DLAT: variants seen among roughly 807,000 people sequenced by gnomAD.
The protein encoded by DLAT is dihydrolipoyllysine-residue acetyltransferase component of pyruvate dehydrogenase complex, mitochondrial.
Under a neutral mutation model 68.0 loss-of-function variants are expected in DLAT, and 43 were observed. That is an observed-to-expected ratio of 0.63 (90% CI 0.50 to 0.81). The LOEUF is 0.81. Ranked by LOEUF, DLAT falls within the 40% of genes least tolerant of loss-of-function variation. The pLI, the probability that DLAT is intolerant of heterozygous loss-of-function variation, is 0.00. For synonymous variants in DLAT, 265 were observed against 288.6 expected, an observed-to-expected ratio of 0.92 and a Z score of 0.83; for missense variants, 745 against 815.4, an observed-to-expected ratio of 0.91 and a Z score of 1.05.
intron 10 of DLAT, among the ~76,000 whole-genome samples, chr11:112,049,505 C>G (rs1426776906): frequency 6.7e-6 from 1 of 150,234 alleles, no homozygotes; most frequent in Non-Finnish European, 1.5e-5. Flanking sequence ...TGATACTACT[C>G]TAAGTGGAAT....
chr11:112,045,367 G>T, intron 9 of DLAT, 137 bp downstream of exon 9: 1 of 779,286 alleles, frequency 1.3e-6, no homozygotes, highest in East Asian at 2.6e-5. Flanking sequence ...GGAAGTTTTG[G>T]CCAACTGAAT....
At chr11:112,031,729 A>G (rs947348626) in intron 4 of DLAT, among the ~76,000 whole-genome samples, 20 of 142,684 alleles carry the variant, frequency 1.4e-4, no homozygotes, top group African/African-American at 4.9e-4. Flanking sequence ...ACGTGCCACC[A>G]TGCCCAGCTA....
chr11:112,057,789 C>G (rs782675312), intron 11 of DLAT, among the ~76,000 whole-genome samples: 11 of 152,160 alleles, frequency 7.2e-5, no homozygotes, highest in Non-Finnish European at 8.8e-5. Context: ...ATTGATATCC[C>G]TCATCAGTCG....
chr11:112,049,072 C>T (rs587654890), intron 10 of DLAT, among the ~76,000 whole-genome samples: 2 of 150,224 alleles, frequency 1.3e-5, no homozygotes, highest in East Asian at 4.0e-4. Context: ...CTCTGCCTCC[C>T]GGGTTCATGC....
At chr11:112,034,618 A>G (rs587614804) in intron 5 of DLAT, among the ~76,000 whole-genome samples, 10 of 150,384 alleles carry the variant, frequency 6.6e-5, no homozygotes, top group Middle Eastern at 3.4e-3. Flanking sequence ...AATTTTTTGT[A>G]TTTTTAGTAG....
At chr11:112,048,488 A>C (rs1407336403) in intron 10 of DLAT, among the ~76,000 whole-genome samples, 1 of 152,172 alleles carries the variant, frequency 6.6e-6, no homozygotes, top group Non-Finnish European at 1.5e-5. Flanking sequence ...CCCTGGCCAG[A>C]ACTTCCAATA....
In DLAT at chr11:112,064,344, G is replaced by A; in HGVS notation, c.*1809G>A. 2 of 789,978 alleles carry A rather than the reference G, an allele frequency of 2.5e-6. No homozygotes were observed. The highest frequency in any genetic ancestry group is 3.7e-6 in the Non-Finnish European group (2 of 533,678). 48.9% of individuals were successfully genotyped at this position (789,978 alleles called of 1,614,324 possible). A position where few individuals can be genotyped will look rare whatever the true frequency, so the allele number is the denominator to read the frequency against. Reference sequence around the variant, plus strand: ...CTGAAAGAAAAAAGTTAGAAATAGTGTTTTTGGTTCATATGATTATTTAAA... The same window carrying A: ...CTGAAAGAAAAAAGTTAGAAATAGTATTTTTGGTTCATATGATTATTTAAA... On this transcript the variant is annotated 3_prime_UTR_variant, in exon 14 of 14. Coordinates refer to ENST00000280346, the MANE Select transcript of DLAT (RefSeq NM_001931.5).
Position 112,051,247 on chromosome 11 carries a change from G to A in DLAT, c.1412G>A (p.Arg471Lys), listed in dbSNP as rs782144832. The change falls in exon 11 of 14, where the codon AGA becomes AAA. Residue 471 changes from arginine (R) to lysine (K), a missense_variant. By Grantham distance (26) the Arg-to-Lys change is conservative. Coordinates refer to ENST00000280346, the MANE Select transcript of DLAT (RefSeq NM_001931.5). This position sits in a 1 kb window ranked among gnomAD's most constrained non-coding sequence, Gnocchi z 4.3. ...RKELNKILEG[R>K]SKISVNDFII... is the part of the protein sequence containing the mutation. ...TTGTCTTTCCAGATATTAGAAGGGA[G>A]AAGCAAAATTTCTGTCAATGACTTC... 11 of 1,611,110 alleles carry A rather than the reference G, an allele frequency of 6.8e-6. No homozygotes were observed. Among genetic ancestry groups the A allele is most frequent in the African/African-American group, 1.3e-5 (1 of 74,884 alleles).
Position 112,033,528 on chromosome 11 carries a change from T to C in DLAT, c.785T>C (p.Ile262Thr), listed in dbSNP as rs782556468. Reference sequence around the variant, plus strand: ...GAGATAGAAACTGACAAAGCCACTATAGGTGAGATTTCTTCAGCTCTTAAT... The same window carrying C: ...GAGATAGAAACTGACAAAGCCACTACAGGTGAGATTTCTTCAGCTCTTAAT... ...LAEIETDKAT[I>T]GFEVQEEGYL... The change falls in exon 5 of 14, where the codon ATA (isoleucine) becomes ACA (threonine). Residue 262 changes from isoleucine (I) to threonine (T), a missense_variant and splice_region_variant. Ile to Thr is a moderately conservative substitution (Grantham distance 89). Coordinates refer to ENST00000280346, the MANE Select transcript of DLAT (RefSeq NM_001931.5). 4 of 1,613,620 alleles carry C rather than the reference T, an allele frequency of 2.5e-6. No individual in the cohort carries two copies. The highest frequency in any genetic ancestry group is 2.2e-5 in the East Asian group (1 of 44,850).
chr11:112,062,619 T>C lies in DLAT; in HGVS notation c.*84T>C. The C allele has an allele frequency of 6.8e-7, 1 of 1,467,216 alleles. No homozygotes were observed. Among genetic ancestry groups the C allele is most frequent in the South Asian group, 1.2e-5 (1 of 84,770 alleles). The allele number at this position is 1,467,216 out of a possible 1,614,324, so 90.9% of individuals were successfully genotyped here. A position where few individuals can be genotyped will look rare whatever the true frequency, so the allele number is the denominator to read the frequency against. ...TTATATGTTATTAAACAGGTGGTTC[T>C]TTTTATTTTAACCAGTTATTTTTAT... On this transcript the variant is annotated 3_prime_UTR_variant, in exon 14 of 14. Transcript: ENST00000280346.
chr11:112,034,908 GGA>G (rs1405599292), intron 5 of DLAT, among the ~76,000 whole-genome samples: 1 of 151,828 alleles, frequency 6.6e-6, no homozygotes, highest in Non-Finnish European at 1.5e-5. Context: ...CGAGTAGCTG[GGA>G]CTACAGGCAT....
chr11:112,028,950 G>C lies in DLAT; in HGVS notation c.660+5G>C. On this transcript the variant is annotated splice_donor_5th_base_variant and intron_variant, in intron 4 of 13. Transcript: ENST00000280346. ...TCATATCCCCCTCACATGCAGGTGA[G>C]GCTCAGCCTCTGAGTTTTTGCTCTA... The C allele has an allele frequency of 1.2e-6, 2 of 1,614,038 alleles. No individual in the cohort carries two copies. Among genetic ancestry groups the C allele is most frequent in the Non-Finnish European group, 1.7e-6 (2 of 1,180,018 alleles).
In DLAT at chr11:112,041,708, C is replaced by T. The variant is rs181915049; in HGVS notation, c.1130-1758C>T. On this transcript the variant is annotated intron_variant, in intron 7 of 13. Transcript: ENST00000280346. The stretch of plus-strand genomic sequence containing the variant: ...CATCCTGGCTAACACGGTGAAACCT[C>T]GTCTCTACTAAAAATACAAAAAAAT... Among the ~76,000 whole-genome samples the T allele has an allele frequency of 1.8e-4, 28 of 152,170 alleles. 1 individual carries two copies. In the East Asian group the frequency reaches 3.9e-3, roughly 21 times the overall value.
At chr11:112,025,807 G>T in intron 1 of DLAT, 56 bp downstream of exon 1, 1 of 1,604,028 alleles carries the variant, frequency 6.2e-7, no homozygotes. Flanking sequence ...CTGACTGGAT[G>T]CCTGCAAGAT....
At chr11:112,054,411 G>A (rs1441913152) in intron 11 of DLAT, among the ~76,000 whole-genome samples, 1 of 152,140 alleles carries the variant, frequency 6.6e-6, no homozygotes, top group Non-Finnish European at 1.5e-5. Context: ...TTGAATGCCT[G>A]TGACAGTGAT....
intron 5 of DLAT, chr11:112,036,917 C>A: frequency 7.4e-6 from 2 of 271,040 alleles, no homozygotes; most frequent in Non-Finnish European, 1.4e-5. Context: ...GGGGACTGTC[C>A]TTGGAGATTT....
At chr11:112,052,732 G>T (rs1318907410) in intron 11 of DLAT, among the ~76,000 whole-genome samples, 2 of 152,048 alleles carry the variant, frequency 1.3e-5, no homozygotes, top group African/African-American at 4.8e-5. Flanking sequence ...TGTAGAGTTT[G>T]ATCTCCAGGA....
chr11:112,058,529 T>C (rs1864259798), intron 11 of DLAT, among the ~76,000 whole-genome samples: 1 of 142,634 alleles, frequency 7.0e-6, no homozygotes, highest in Admixed American at 7.6e-5. Flanking sequence ...TGCAGAACAC[T>C]AGCAGGGGCC....
At chr11:112,037,514 AGGAGT>A in intron 6 of DLAT, 54 bp downstream of exon 6, 1 of 1,569,882 alleles carries the variant, frequency 6.4e-7, no homozygotes, top group Admixed American at 1.7e-5. Flanking sequence ...CTCTAAATTA[AGGAGT>A]TTTGATTAGA....
Sources: gnomAD v4.1 joint callset for allele counts (sites outside exome capture counted in the v4.1 genomes callset) on GRCh38, gnomAD v4.1.1 for gene constraint, Gnocchi (gnomAD v3.1) non-coding constraint, MANE v1.5 for transcripts, NCBI Gene and HGNC (gene_info 2026-07-23, HGNC 2026-07-21) for gene names.